GNAL: variants seen among roughly 807,000 people sequenced by gnomAD.
GNAL encodes the protein guanine nucleotide-binding protein G(olf) subunit alpha.
A neutral mutation model predicts 55.1 loss-of-function variants in GNAL; 18 were observed. The observed-to-expected ratio is 0.33, with a 90% CI of 0.23 to 0.48. GNAL has a LOEUF of 0.48. GNAL is among the 20% of genes least tolerant of loss of function. The pLI is 0.99. For missense variants in GNAL, 412 were observed against 614.1 expected (o/e 0.67, Z 3.48); for synonymous variants, 253 against 237.0 (o/e 1.07, Z -0.62).
chr18:11,752,879 A>G lies in GNAL; in HGVS notation c.403A>G (p.Ile135Val). ...LGAGESGKST[I>V]VKQMRILHVN... The stretch of plus-strand genomic sequence containing the variant: ...GGCTGGTGAGTCTGGGAAAAGCACT[A>G]TCGTCAAACAGATGAGGATCCTGCA... Residue 135 changes from isoleucine (I) to valine (V), a missense_variant, in exon 2 of 12, where the codon ATC (isoleucine) becomes GTC (valine). Physicochemically the swap from Ile to Val is conservative, Grantham distance 29 (BLOSUM62 3). Coordinates refer to ENST00000334049, the MANE Select transcript of GNAL (RefSeq NM_182978.4). This position sits in a 1 kb window ranked among gnomAD's most constrained non-coding sequence, Gnocchi z 4.5. 4 of 1,610,402 alleles carry G rather than the reference A, an allele frequency of 2.5e-6. No individual in the cohort carries two copies. The highest frequency in any genetic ancestry group is 1.3e-5 in the African/African-American group (1 of 74,996).
intron 4 of GNAL, among the ~76,000 whole-genome samples, chr18:11,761,294 C>A (rs2033234481): frequency 6.6e-6 from 1 of 152,190 alleles, no homozygotes; most frequent in African/African-American, 2.4e-5. Flanking sequence ...TGGGAGAAGG[C>A]ACCCCTAGTT....
intron 9 of GNAL, 24 bp from the exon 10 acceptor site, chr18:11,872,244 G>A: frequency 2.6e-6 from 4 of 1,528,136 alleles, no homozygotes; most frequent in Non-Finnish European, 3.5e-6. Context: ...TGTGAAATTT[G>A]TATGTTTATT....
At chr18:11,770,618 A>G (rs1324761518) in intron 4 of GNAL, among the ~76,000 whole-genome samples, 1 of 152,134 alleles carries the variant, frequency 6.6e-6, no homozygotes, top group Non-Finnish European at 1.5e-5. Context: ...CATTATTATC[A>G]GGTTGCATTT....
At position 11,868,792 on chromosome 18, in the gene GNAL, C is replaced by A; in HGVS notation, c.1031+129C>A. ...CTGGGAGGCCGAGGCAGGTGTGTCA[C>A]TTGAGCTCAGCAGTTGGAGACTAGC... On this transcript the variant is annotated intron_variant, in intron 9 of 11. Coordinates refer to ENST00000334049, the MANE Select transcript of GNAL (RefSeq NM_182978.4). The surrounding 1 kb of genome is among the most constrained non-coding windows in gnomAD (Gnocchi z 4.0). 1 of 696,708 alleles carries A rather than the reference C, an allele frequency of 1.4e-6. No individual in the cohort carries two copies. Among genetic ancestry groups the A allele is most frequent in the Non-Finnish European group, 2.3e-6 (1 of 427,166 alleles). 43.2% of individuals were successfully genotyped at this position (696,708 alleles called of 1,614,324 possible).
chr18:11,753,344 A>G lies in GNAL; in HGVS notation c.450-284A>G, dbSNP rs558961577. Among the ~76,000 whole-genome samples the G allele has an allele frequency of 1.1e-4, 17 of 152,366 alleles. 1 individual carries two copies. In the South Asian group the frequency reaches 2.7e-3, roughly 24 times the overall value. ...ACTGCATGTTATATTTATATGCAAT[A>G]TCCATAGCGATTTTGCCTAGTTTTT... On this transcript the variant is annotated intron_variant, in intron 2 of 11. Transcript: ENST00000334049.
intron 1 of GNAL, among the ~76,000 whole-genome samples, chr18:11,698,856 C>G (rs2031488199): frequency 6.6e-6 from 1 of 152,156 alleles, no homozygotes; most frequent in African/African-American, 2.4e-5. Context: ...AAGTGACTTT[C>G]CCTGTTGACA....
intron 7 of GNAL, among the ~76,000 whole-genome samples, chr18:11,865,587 C>A (rs1282340657): frequency 2.4e-5 from 3 of 123,126 alleles, no homozygotes; most frequent in African/African-American, 7.0e-5. Flanking sequence ...CTGTCTCTAC[C>A]AAAAAAAAAA....
rs763835736 is a variant in GNAL, at chr18:11,882,073, T to A, written c.*938T>A. ...ATCAGGTTGGCACTTTATAAAATAC[T>A]CCCTGATTTAAAAAATTGTAAGTTA... is the stretch of plus-strand genomic sequence containing the variant. On this transcript the variant is annotated 3_prime_UTR_variant, in exon 12 of 12. Transcript: ENST00000334049. The A allele has an allele frequency of 6.6e-6, 1 of 152,226 alleles. No individual in the cohort carries two copies. The highest frequency in any genetic ancestry group is 1.5e-5 in the Non-Finnish European group (1 of 68,034). 9.4% of individuals were successfully genotyped at this position (152,226 alleles called of 1,614,324 possible). A position where few individuals can be genotyped will look rare whatever the true frequency, so the allele number is the denominator to read the frequency against.
Position 11,848,291 on chromosome 18 carries a change from C to T in GNAL, c.723-14104C>T, listed in dbSNP as rs1046993539. On this transcript the variant is annotated intron_variant, in intron 5 of 11. Transcript: ENST00000334049. ...CTGTCAGGGAGAGGAGGAGAACAGC[C>T]TTCTCTTCAGAATTCTAGTCAGCCC... Among the ~76,000 whole-genome samples the T allele has an allele frequency of 6.6e-5, 10 of 152,192 alleles. No homozygotes were observed. In the East Asian group the frequency reaches 1.9e-3, roughly 29 times the overall value.
chr18:11,829,418 T>G (rs2035326340), intron 5 of GNAL, among the ~76,000 whole-genome samples: 1 of 152,226 alleles, frequency 6.6e-6, no homozygotes, highest in Admixed American at 6.5e-5. Flanking sequence ...CAAAAACAAC[T>G]AACATTTCAA....
chr18:11,698,215 G>C (rs989838610), intron 1 of GNAL, among the ~76,000 whole-genome samples: 2 of 152,154 alleles, frequency 1.3e-5, no homozygotes, highest in Non-Finnish European at 2.9e-5. Context: ...GGCTGAGGCT[G>C]GGCGCGGTGG....
At position 11,704,221 on chromosome 18, in the gene GNAL, T is replaced by TG. The variant is rs2031650784; in HGVS notation, c.376+14285dup. On this transcript the variant is annotated intron_variant, in intron 1 of 11. Coordinates refer to ENST00000334049, the MANE Select transcript of GNAL (RefSeq NM_182978.4). ...CACAGTGGGTCACACCCTAGACCCG[T>TG]GGGTCATACCACGGAACACATCGTG... 2.0e-5 allele frequency among the ~76,000 whole-genome samples: 3 copies of TG among 152,180 alleles called. No individual in the cohort carries two copies. In the South Asian group the frequency reaches 6.2e-4, roughly 32 times the overall value.
At chr18:11,764,099 G>C (rs548082717) in intron 4 of GNAL, among the ~76,000 whole-genome samples, 1 of 150,852 alleles carries the variant, frequency 6.6e-6, no homozygotes, top group East Asian at 1.9e-4. Flanking sequence ...CAAATATCCT[G>C]TTTTTTTGTT....
At chr18:11,856,498 G>T (rs780274506) in intron 5 of GNAL, among the ~76,000 whole-genome samples, 12 of 151,328 alleles carry the variant, frequency 7.9e-5, no homozygotes, top group Non-Finnish European at 1.8e-4. Flanking sequence ...CCCAAGTATG[G>T]ACACTCAAGA....
At chr18:11,878,151 G>T (rs1335334217) in intron 11 of GNAL, among the ~76,000 whole-genome samples, 1 of 152,204 alleles carries the variant, frequency 6.6e-6, no homozygotes, top group East Asian at 1.9e-4. Context: ...GCATTTAAAT[G>T]AAGATTAGAA....
chr18:11,713,021 C>T (rs1468329591), intron 1 of GNAL, among the ~76,000 whole-genome samples: 1 of 152,182 alleles, frequency 6.6e-6, no homozygotes, highest in Non-Finnish European at 1.5e-5. Flanking sequence ...GGGGCAACTG[C>T]GCTGTTTGCA....
At chr18:11,780,844 T>C (rs796774182) in intron 4 of GNAL, among the ~76,000 whole-genome samples, 4 of 152,302 alleles carry the variant, frequency 2.6e-5, no homozygotes, top group African/African-American at 9.6e-5. Flanking sequence ...AGGACTTGAA[T>C]TACAATGAAA....
chr18:11,840,418 AT>A (rs1195348598), intron 5 of GNAL, among the ~76,000 whole-genome samples: 2 of 152,342 alleles, frequency 1.3e-5, no homozygotes, highest in Admixed American at 1.3e-4. Context: ...AAAAAAGGAA[AT>A]TTTTTATTAA....
intron 3 of GNAL, 23 bp from the exon 4 acceptor site, chr18:11,753,803 T>A (rs1380567601): frequency 1.3e-6 from 2 of 1,563,028 alleles, no homozygotes; most frequent in Admixed American, 3.4e-5. Context: ...TTTATCCATA[T>A]TTTTTTTCTT....
Sources: allele counts gnomAD v4.1 joint callset (sites outside exome capture counted in the v4.1 genomes callset), GRCh38; gene constraint gnomAD v4.1.1; non-coding constraint Gnocchi (gnomAD v3.1); transcripts MANE v1.5; gene names NCBI Gene and HGNC (gene_info 2026-07-23, HGNC 2026-07-21).